The following FPGS variants were observed in gnomAD, a reference collection of about 807,000 sequenced individuals.
FPGS encodes the protein folylpolyglutamate synthase, mitochondrial.
In FPGS, 53 loss-of-function variants were observed where a neutral mutation model predicts 66.5. That is an observed-to-expected ratio of 0.80 (90% confidence interval 0.64 to 1.00). FPGS has a LOEUF of 1.00. FPGS is among the 50% of genes least tolerant of loss of function. The pLI is 0.00. For synonymous variants in FPGS, 348 were observed against 350.9 expected, an observed-to-expected ratio of 0.99 and a Z score of 0.09; for missense variants, 702 against 807.7, an observed-to-expected ratio of 0.87 and a Z score of 1.59.
rs941994071 is a variant in FPGS, at chr9:127,802,889, G to T, written c.-36G>T. The T allele has an allele frequency of 2.3e-6, 3 of 1,293,702 alleles. No homozygotes were observed. The highest frequency in any genetic ancestry group is 2.0e-6 in the Non-Finnish European group (2 of 1,023,642). 80.1% of individuals were successfully genotyped at this position (1,293,702 alleles called of 1,614,324 possible). A position where few individuals can be genotyped will look rare whatever the true frequency, so the allele number is the denominator to read the frequency against. ...CTGGGGGCGGGGCGGGGCGTCTCCC[G>T]CCCGGGCCTAGAGCGCTGCCGGGGG... On this transcript the variant is annotated 5_prime_UTR_variant, in exon 1 of 15. Coordinates refer to ENST00000373247, the MANE Select transcript of FPGS (RefSeq NM_004957.6).
intron 10 of FPGS, 26 bp from the exon 11 acceptor site, chr9:127,808,774 C>G (rs569113230): frequency 6.4e-7 from 1 of 1,554,600 alleles, no homozygotes; most frequent in Non-Finnish European, 8.7e-7. Context: ...GGGTCCCGGA[C>G]ACACTTGGTC....
chr9:127,810,160 G>C, intron 13 of FPGS, 54 bp downstream of exon 13: 2 of 1,487,296 alleles, frequency 1.3e-6, no homozygotes, highest in Non-Finnish European at 1.9e-6. Flanking sequence ...CCTGGGTCTG[G>C]CGGTGTGACC....
intron 14 of FPGS, 149 bp from the exon 15 acceptor site, chr9:127,813,046 A>T: frequency 8.4e-7 from 1 of 1,193,848 alleles, no homozygotes; most frequent in Non-Finnish European, 1.1e-6. Context: ...CACTGTGTGC[A>T]TGGAGAAGGC....
Position 127,807,874 on chromosome 9 carries a change from G to A in FPGS, c.744+186G>A. The A allele has an allele frequency of 1.7e-6, 1 of 580,114 alleles. No individual in the cohort carries two copies. 35.9% of individuals were successfully genotyped at this position (580,114 alleles called of 1,614,324 possible). Reference sequence around the variant, plus strand: ...CAATCCCAGCATTTCAGGAGGTCGAGGTGAGAGGATCACCTGAGATCCGGA... The same window carrying A: ...CAATCCCAGCATTTCAGGAGGTCGAAGTGAGAGGATCACCTGAGATCCGGA... On this transcript the variant is annotated intron_variant, in intron 8 of 14. Coordinates refer to ENST00000373247, the MANE Select transcript of FPGS (RefSeq NM_004957.6). This position sits in a 1 kb window ranked among gnomAD's most constrained non-coding sequence, Gnocchi z 5.8.
At position 127,809,813 on chromosome 9, in the gene FPGS, A is replaced by C; in HGVS notation, c.1190A>C (p.Gln397Pro). Reference sequence around the variant, plus strand: ...GTGCGCTGGTTCCGCCAGGCGCTGCAGGGCCGCGAGAGGCCGAGCGGGTGA... The same window carrying C: ...GTGCGCTGGTTCCGCCAGGCGCTGCCGGGCCGCGAGAGGCCGAGCGGGTGA... ...ACVRWFRQAL[Q>P]GRERPSGGPE... Residue 397 changes from glutamine to proline, a missense_variant, in exon 12 of 15, where the codon CAG (glutamine) becomes CCG (proline). Gln to Pro is a moderately conservative substitution (Grantham distance 76). This residue lies in a region of FPGS where 351 missense variants were observed against 363.7 expected (regional missense o/e 0.97). Coordinates refer to ENST00000373247, the MANE Select transcript of FPGS (RefSeq NM_004957.6). 1 of 1,363,150 alleles carries C rather than the reference A, an allele frequency of 7.3e-7. No individual in the cohort carries two copies. The highest frequency in any genetic ancestry group is 1.6e-5 in the African/African-American group (1 of 64,080). 84.4% of individuals were successfully genotyped at this position (1,363,150 alleles called of 1,614,324 possible).
chr9:127,814,006 G>T lies in FPGS; in HGVS notation c.*402G>T. On this transcript the variant is annotated 3_prime_UTR_variant, in exon 15 of 15. Transcript: ENST00000373247. Reference sequence around the variant, plus strand: ...GGGAAGGGAGAGGGCCTCTGCCTGGGACACTGCGGGACAGAGGGTGGCTGG... The same window carrying T: ...GGGAAGGGAGAGGGCCTCTGCCTGGTACACTGCGGGACAGAGGGTGGCTGG... 1 of 1,033,558 alleles carries T rather than the reference G, an allele frequency of 9.7e-7. No individual in the cohort carries two copies. Among genetic ancestry groups the T allele is most frequent in the South Asian group, 4.6e-5 (1 of 21,792 alleles). 64.0% of individuals were successfully genotyped at this position (1,033,558 alleles called of 1,614,324 possible). A position where few individuals can be genotyped will look rare whatever the true frequency, so the allele number is the denominator to read the frequency against.
At chr9:127,813,165 C>T (rs201208319) in intron 14 of FPGS, 30 bp from the exon 15 acceptor site, 8 of 1,532,126 alleles carry the variant, frequency 5.2e-6, no homozygotes, top group East Asian at 2.3e-5. Context: ...CTCTCCCCTT[C>T]GCTGATAGGC....
Position 127,807,022 on chromosome 9 carries a change from C to G in FPGS, c.436C>G (p.Pro146Ala). The change falls in exon 5 of 15, where the codon CCC becomes GCC. Residue 146 changes from proline (P) to alanine (A), a missense_variant. By Grantham distance (27) the Pro-to-Ala change is conservative. Transcript: ENST00000373247. This position sits in a 1 kb window ranked among gnomAD's most constrained non-coding sequence, Gnocchi z 5.8. ...VRERIRINGQPISPELFTKYF... is the reference protein window; with the variant it reads ...VRERIRINGQAISPELFTKYF... The stretch of plus-strand genomic sequence containing the variant: ...GGAGCGGATCCGCATCAATGGGCAG[C>G]CCATCAGTCCTGAGCTCTTCACCAA... 6.2e-7 allele frequency: 1 copy of G among 1,614,150 alleles called. No individual in the cohort carries two copies. Among genetic ancestry groups the G allele is most frequent in the East Asian group, 2.2e-5 (1 of 44,880 alleles).
rs909368488 is a variant in FPGS, at chr9:127,813,914, G to A, written c.*310G>A. 4.1e-5 allele frequency: 47 copies of A among 1,156,402 alleles called. No individual in the cohort carries two copies. In the Admixed American group the frequency reaches 1.7e-3, roughly 41 times the overall value. The allele number at this position is 1,156,402 out of a possible 1,614,324, so 71.6% of individuals were successfully genotyped here. On this transcript the variant is annotated 3_prime_UTR_variant, in exon 15 of 15. Coordinates refer to ENST00000373247, the MANE Select transcript of FPGS (RefSeq NM_004957.6). ...GGCTCAGGCCCAGCTTATTGTGTGC[G>A]CTGCCTGGCCAGGCCCTGGGTCTTG... is the stretch of plus-strand genomic sequence containing the variant.
chr9:127,812,698 TG>T (rs1282808530), intron 14 of FPGS, among the ~76,000 whole-genome samples: 2 of 125,814 alleles, frequency 1.6e-5, no homozygotes, highest in African/African-American at 2.5e-5. Context: ...TTTGTGTGTG[TG>T]TGTTTTTTTC....
At chr9:127,806,202 C>T (rs184596557) in intron 4 of FPGS, among the ~76,000 whole-genome samples, 197 of 152,016 alleles carry the variant, frequency 1.3e-3, no homozygotes, top group African/African-American at 4.3e-3. Context: ...AACCCTATCT[C>T]TACTAAAAAT....
At chr9:127,805,061 A>G (rs1186315085) in intron 4 of FPGS, among the ~76,000 whole-genome samples, 3 of 151,678 alleles carry the variant, frequency 2.0e-5, no homozygotes, top group African/African-American at 7.3e-5. Context: ...GCTAATTTTT[A>G]TATTTTTAGT....
chr9:127,803,381 C>A, intron 1 of FPGS: 1 of 1,106,138 alleles, frequency 9.0e-7, no homozygotes, highest in Non-Finnish European at 1.1e-6. Flanking sequence ...GAGTCTGAAC[C>A]GGCAGTGAGA....
chr9:127,808,162 G>T, intron 8 of FPGS, 72 bp from the exon 9 acceptor site: 1 of 1,137,380 alleles, frequency 8.8e-7, no homozygotes. Flanking sequence ...CCAGACCCAG[G>T]GATGTGGGGG....
chr9:127,810,195 C>G lies in FPGS; in HGVS notation c.1287+89C>G. Reference sequence around the variant, plus strand: ...CCTGGGGGGTGCCAATCCCCTCCCCCTTGAGTTGTATTGAGGATTAGATGT... The same window carrying G: ...CCTGGGGGGTGCCAATCCCCTCCCCGTTGAGTTGTATTGAGGATTAGATGT... On this transcript the variant is annotated intron_variant, in intron 13 of 14. Coordinates refer to ENST00000373247, the MANE Select transcript of FPGS (RefSeq NM_004957.6). The G allele has an allele frequency of 2.7e-6, 3 of 1,112,504 alleles. No individual in the cohort carries two copies. In the Admixed American group the frequency reaches 5.8e-5, roughly 22 times the overall value. 68.9% of individuals were successfully genotyped at this position (1,112,504 alleles called of 1,614,324 possible). A position where few individuals can be genotyped will look rare whatever the true frequency, so the allele number is the denominator to read the frequency against.
chr9:127,807,024 C>T lies in FPGS; in HGVS notation c.438C>T (p.Pro146=). ...AGCGGATCCGCATCAATGGGCAGCC[C>T]ATCAGTCCTGAGCTCTTCACCAAGT... ...VRERIRINGQ[P]ISPELFTKYF... The change falls in exon 5 of 15, where the codon CCC becomes CCT. Residue 146 remains proline (P), a synonymous_variant. Transcript: ENST00000373247. This position sits in a 1 kb window ranked among gnomAD's most constrained non-coding sequence, Gnocchi z 5.8. 1 of 1,614,176 alleles carries T rather than the reference C, an allele frequency of 6.2e-7. No individual in the cohort carries two copies. Among genetic ancestry groups the T allele is most frequent in the Non-Finnish European group, 8.5e-7 (1 of 1,180,022 alleles).
chr9:127,814,290 G>A, downstream of FPGS: 1 of 304,910 alleles, frequency 3.3e-6, no homozygotes, highest in Non-Finnish European at 4.8e-6. Context: ...AGACCCCCTT[G>A]CAGAGACCTT....
chr9:127,813,642 T>G lies in FPGS; in HGVS notation c.*38T>G, dbSNP rs1254267582. ...GTTGGAGGTGGGAGCTTCCCACACC[T>G]GCCTGCGTTCTCCCCATGAACTTAC... On this transcript the variant is annotated 3_prime_UTR_variant, in exon 15 of 15. Transcript: ENST00000373247. The G allele has an allele frequency of 1.3e-6, 2 of 1,497,470 alleles. No individual in the cohort carries two copies. The highest frequency in any genetic ancestry group is 4.7e-5 in the East Asian group (2 of 42,272). 92.8% of individuals were successfully genotyped at this position (1,497,470 alleles called of 1,614,324 possible).
intron 14 of FPGS, among the ~76,000 whole-genome samples, chr9:127,812,309 T>C (rs930218040): frequency 6.7e-6 from 1 of 148,530 alleles, no homozygotes; most frequent in African/African-American, 2.5e-5. Context: ...TTGGGGAGAG[T>C]TCTGGAATCT....
Sources: allele counts gnomAD v4.1 joint callset (sites outside exome capture counted in the v4.1 genomes callset), GRCh38; gene constraint gnomAD v4.1.1; regional missense constraint gnomAD v4.1.1; non-coding constraint Gnocchi (gnomAD v3.1); transcripts MANE v1.5; gene names NCBI Gene and HGNC (gene_info 2026-07-23, HGNC 2026-07-21).